The following CELF3 variants were observed in gnomAD, a reference collection of about 807,000 sequenced individuals.
The protein encoded by CELF3 is CUGBP Elav-like family member 3, also known as CAG repeat domain.
In CELF3, 26 loss-of-function variants were observed where a neutral mutation model predicts 59.6. The observed-to-expected ratio is 0.44, with a 90% confidence interval of 0.32 to 0.61. CELF3 has a LOEUF of 0.61. CELF3 is among the 20% of genes least tolerant of loss of function. The pLI, the probability that CELF3 is intolerant of heterozygous loss-of-function variation, is 0.06. For missense variants in CELF3, 387 were observed against 627.2 expected (o/e 0.62, Z 4.09); for synonymous variants, 245 against 250.7 (o/e 0.98, Z 0.22).
intron 12 of CELF3, among the ~76,000 whole-genome samples, chr1:151,703,811 C>T (rs924526152): frequency 2.6e-5 from 4 of 152,084 alleles, no homozygotes; most frequent in African/African-American, 9.7e-5. Context: ...GTGTAAGAGA[C>T]AGACACCTGG....
In CELF3 at chr1:151,716,066, A is replaced by G. The variant is rs1410605841; in HGVS notation, c.-46T>C. ...GGCCGAGGGGAGCAGGGAGAGGCCC[A>G]AAGGCCAAGGGGAGCTGCCCAGCAA... On this transcript the variant is annotated 5_prime_UTR_variant, in exon 1 of 13. Transcript: ENST00000290583. 7 of 1,560,698 alleles carry G rather than the reference A, an allele frequency of 4.5e-6. No individual in the cohort carries two copies. In the South Asian group the frequency reaches 8.5e-5, roughly 19 times the overall value.
Position 151,705,846 on chromosome 1 carries a change from C to T in CELF3, c.1246G>A (p.Ala416Thr). 2 of 1,614,102 alleles carry T rather than the reference C, an allele frequency of 1.2e-6. No individual in the cohort carries two copies. Among genetic ancestry groups the T allele is most frequent in the Non-Finnish European group, 1.7e-6 (2 of 1,180,008 alleles). ...CCAAAACATTTGCTTTGATTGGTGG[C>T]TCGGTCAACAAAGACTTTGGCTGAG... ...VISAKVFVDRATNQSKCFGFV... is the reference protein window; with the variant it reads ...VISAKVFVDRTTNQSKCFGFV... Residue 416 changes from alanine (A) to threonine (T), a missense_variant, in exon 11 of 13, where the codon GCC becomes ACC. Around this residue, in one of 3 missense-constraint regions of CELF3, gnomAD observed 48 missense variants for 118.8 expected, o/e 0.40. Transcript: ENST00000290583. The surrounding 1 kb of genome is among the most constrained non-coding windows in gnomAD (Gnocchi z 5.1).
chr1:151,712,752 T>C (rs1026733469), intron 2 of CELF3, among the ~76,000 whole-genome samples: 1 of 152,202 alleles, frequency 6.6e-6, no homozygotes, highest in African/African-American at 2.4e-5. Flanking sequence ...TGGTAGCACC[T>C]TCTAGATTTT....
Position 151,709,119 on chromosome 1 carries a change from T to A in CELF3, c.407-42A>T. 6.2e-7 allele frequency: 1 copy of A among 1,609,416 alleles called. No individual in the cohort carries two copies. Among genetic ancestry groups the A allele is most frequent in the Non-Finnish European group, 8.5e-7 (1 of 1,176,676 alleles). On this transcript the variant is annotated intron_variant, in intron 4 of 12. Transcript: ENST00000290583. This position sits in a 1 kb window ranked among gnomAD's most constrained non-coding sequence, Gnocchi z 4.9. ...GGAGGAGGAGAGGGGTAAGCACCCA[T>A]CCCTGCGGGACCCCGCGGTGGAACC...
chr1:151,710,165 C>T (rs754769377), intron 2 of CELF3: 74 of 266,904 alleles, frequency 2.8e-4, no homozygotes, highest in African/African-American at 3.9e-4. Context: ...ACAAAGTGGG[C>T]GCAACAGAGG....
At chr1:151,707,347 G>A (rs1055812653) in intron 7 of CELF3, 53 bp from the exon 8 acceptor site, 1 of 1,549,410 alleles carries the variant, frequency 6.5e-7, no homozygotes. Flanking sequence ...ACACACACAG[G>A]CAGAGAACCA....
chr1:151,707,900 G>A lies in CELF3; in HGVS notation c.522C>T (p.Asp174=), dbSNP rs764685507. 1 of 1,613,682 alleles carries A rather than the reference G, an allele frequency of 6.2e-7. No individual in the cohort carries two copies. The highest frequency in any genetic ancestry group is 2.2e-5 in the East Asian group (1 of 44,874). The stretch of plus-strand genomic sequence containing the variant: ...GGCGGAGACCTCGCTCCTTCTCAGT[G>A]TCAGCAAACTTCACCACCAGGCTGG... ...ASSSLVVKFA[D]TEKERGLRRM... Residue 174 remains aspartate (D), a synonymous_variant, in exon 6 of 13, where the codon GAC becomes GAT. Transcript: ENST00000290583.
At chr1:151,706,006 G>T in intron 10 of CELF3, 41 bp from the exon 11 acceptor site, 1 of 1,611,442 alleles carries the variant, frequency 6.2e-7, no homozygotes, top group Admixed American at 1.7e-5. Flanking sequence ...TCAGTGACTG[G>T]GAGGCACACA....
intron 2 of CELF3, 156 bp downstream of exon 2, chr1:151,714,438 A>C: frequency 1.4e-6 from 1 of 707,252 alleles, no homozygotes. Flanking sequence ...AAATGCATGC[A>C]TCTACAGCAA....
At chr1:151,710,887 G>A (rs1218892241) in intron 2 of CELF3, 2 of 455,314 alleles carry the variant, frequency 4.4e-6, no homozygotes, top group Non-Finnish European at 8.8e-6. Flanking sequence ...AGGAACTGGA[G>A]AAAGAGGAGA....
At chr1:151,706,050 C>T (rs1033409464) in intron 10 of CELF3, 85 bp from the exon 11 acceptor site, 1 of 1,592,168 alleles carries the variant, frequency 6.3e-7, no homozygotes, top group Non-Finnish European at 8.6e-7. Context: ...AAAGCAGATC[C>T]TGGGAGTGCC....
At chr1:151,713,711 A>C (rs1673217260) in intron 2 of CELF3, 1 of 153,948 alleles carries the variant, frequency 6.5e-6, no homozygotes, top group Non-Finnish European at 1.4e-5. Context: ...CATGGCCCTT[A>C]ACTCTGGCTG....
intron 5 of CELF3, 120 bp downstream of exon 5, chr1:151,708,878 G>T: frequency 1.1e-6 from 1 of 908,972 alleles, no homozygotes; most frequent in Non-Finnish European, 1.7e-6. Context: ...TCTTCTGCCA[G>T]GACATTCCTT....
At chr1:151,712,217 C>A (rs553143895) in intron 2 of CELF3, among the ~76,000 whole-genome samples, 1 of 152,206 alleles carries the variant, frequency 6.6e-6, no homozygotes, top group South Asian at 2.1e-4. Flanking sequence ...AGGTGACAAG[C>A]CCTCCCTCGG....
Position 151,709,865 on chromosome 1 carries a change from G to T in CELF3, c.229-74C>A. Reference sequence around the variant, plus strand: ...CAAGAGCCCTCCCAGGCCAGGCCCTGCAGAGAGACTAGAGGGGCAAGCCCC... The same window carrying T: ...CAAGAGCCCTCCCAGGCCAGGCCCTTCAGAGAGACTAGAGGGGCAAGCCCC... On this transcript the variant is annotated intron_variant, in intron 2 of 12. Coordinates refer to ENST00000290583, the MANE Select transcript of CELF3 (RefSeq NM_007185.7). The surrounding 1 kb of genome is among the most constrained non-coding windows in gnomAD (Gnocchi z 4.9). 1.4e-6 allele frequency: 2 copies of T among 1,432,248 alleles called. No individual in the cohort carries two copies. The highest frequency in any genetic ancestry group is 2.0e-6 in the Non-Finnish European group (2 of 1,013,936). The allele number at this position is 1,432,248 out of a possible 1,614,324, so 88.7% of individuals were successfully genotyped here.
intron 12 of CELF3, among the ~76,000 whole-genome samples, chr1:151,704,606 G>T (rs1367012483): frequency 1.3e-5 from 2 of 152,064 alleles, no homozygotes; most frequent in African/African-American, 4.8e-5. Context: ...AGGAGCCAAG[G>T]ATTCTAGGGC....
In CELF3 at chr1:151,709,378, G is replaced by C. The variant is rs755741317; in HGVS notation, c.278-30C>G. 1 of 1,613,334 alleles carries C rather than the reference G, an allele frequency of 6.2e-7. No homozygotes were observed. The highest frequency in any genetic ancestry group is 8.5e-7 in the Non-Finnish European group (1 of 1,179,470). On this transcript the variant is annotated intron_variant, in intron 3 of 12. Coordinates refer to ENST00000290583, the MANE Select transcript of CELF3 (RefSeq NM_007185.7). This position sits in a 1 kb window ranked among gnomAD's most constrained non-coding sequence, Gnocchi z 4.9. ...GTGGTAGGGCACAGGAGGAGGGCAT[G>C]TTCAGGGCCTCCTGGCTGCCTTCCC...
chr1:151,707,334 G>GAC, intron 7 of CELF3, 40 bp from the exon 8 acceptor site: 1 of 1,557,650 alleles, frequency 6.4e-7, no homozygotes, highest in Non-Finnish European at 8.7e-7. Flanking sequence ...CAGAGGAGCA[G>GAC]ACACACACAC....
chr1:151,711,760 A>C (rs1673038704), intron 2 of CELF3: 1 of 152,318 alleles, frequency 6.6e-6, no homozygotes, highest in Non-Finnish European at 1.5e-5. Flanking sequence ...AAAGAAGCAG[A>C]ATCAGAACCA....
Sources: allele counts gnomAD v4.1 joint callset (sites outside exome capture counted in the v4.1 genomes callset), GRCh38; gene constraint gnomAD v4.1.1; regional missense constraint gnomAD v4.1.1; non-coding constraint Gnocchi (gnomAD v3.1); transcripts MANE v1.5; gene names NCBI Gene and HGNC (gene_info 2026-07-23, HGNC 2026-07-21).